Variants in ZNF587B observed in about 807,000 individuals in gnomAD.
The protein encoded by ZNF587B is zinc finger protein 587B.
Under a neutral mutation model 7.2 loss-of-function variants are expected in ZNF587B, and 6 were observed. The ratio of observed to expected loss-of-function variants is 0.83; its 90% CI spans 0.46 to 1.65. The LOEUF (loss-of-function observed/expected upper bound fraction) is 1.65, where lower values mean the gene tolerates loss of function less well. Ranked by LOEUF, ZNF587B falls within the 40% of genes most tolerant of loss-of-function variation. The probability of loss-of-function intolerance (pLI) is 0.01; values close to 1 mark genes in which losing one functional copy is unlikely to be tolerated. For missense variants in ZNF587B, 749 were observed against 761.0 expected (o/e 0.98, Z 0.19); for synonymous variants, 274 against 254.3 (o/e 1.08, Z -0.74).
At chr19:57,838,894 T>C (rs1988734224) in intron 1 of ZNF587B, 129 bp from the exon 2 acceptor site, 1 of 1,357,368 alleles carries the variant, frequency 7.4e-7, no homozygotes. Context: ...CCATGACCAG[T>C]GGGCCTAGTT....
chr19:57,837,579 T>G (rs111698715), intron 1 of ZNF587B, among the ~76,000 whole-genome samples: 13,593 of 151,750 alleles, frequency 0.09, 1,741 homozygotes, highest in African/African-American at 0.29. Flanking sequence ...CTCCCAAGTA[T>G]CTGGGACTAC....
At chr19:57,837,422 AGTTTTTTTTTTGTTTT>A (rs1439923528) in intron 1 of ZNF587B, among the ~76,000 whole-genome samples, 4 of 146,326 alleles carry the variant, frequency 2.7e-5, no homozygotes, top group Non-Finnish European at 6.0e-5. Flanking sequence ...ACGCTCAGCT[AGTTTTTTTTTTGTTTT>A]GTTTTTTTTT....
At position 57,842,573 on chromosome 19, in the gene ZNF587B, A is replaced by G; in HGVS notation, c.1899A>G (p.Leu633=). ...AGAGAGTTCATGAAAGAAAGGCCTT[A>G]TGAGTGCAGAGAATGAGTCCAGTCT... is the stretch of plus-strand genomic sequence containing the variant. ...YHQRVHERKA[L] is the part of the protein sequence containing the mutation. Residue 633 remains leucine, a synonymous_variant, in exon 3 of 3, where the codon TTA becomes TTG. Transcript: ENST00000594901. The G allele has an allele frequency of 6.6e-7, 1 of 1,512,362 alleles. No individual in the cohort carries two copies. Among genetic ancestry groups the G allele is most frequent in the Non-Finnish European group, 8.8e-7 (1 of 1,137,338 alleles). The allele number at this position is 1,512,362 out of a possible 1,614,324, so 93.7% of individuals were successfully genotyped here.
Position 57,841,331 on chromosome 19 carries a change from C to A in ZNF587B, c.657C>A (p.Ser219=), listed in dbSNP as rs768422516. 1 of 1,609,644 alleles carries A rather than the reference C, an allele frequency of 6.2e-7. No individual in the cohort carries two copies. The highest frequency in any genetic ancestry group is 1.1e-5 in the South Asian group (1 of 90,684). The change falls in exon 3 of 3, where the codon TCC becomes TCA. Residue 219 remains serine (S), a synonymous_variant. Transcript: ENST00000594901. Reference sequence around the variant, plus strand: ...GAGCTCACTATAGCCATGGAGATTCCATGAAACATTTTAGCACCAAACATA... The same window carrying A: ...GAGCTCACTATAGCCATGGAGATTCAATGAAACATTTTAGCACCAAACATA... ...CGGAHYSHGD[S]MKHFSTKHIL...
chr19:57,837,850 A>G (rs1337274601), intron 1 of ZNF587B, among the ~76,000 whole-genome samples: 2 of 151,754 alleles, frequency 1.3e-5, no homozygotes, highest in Non-Finnish European at 2.9e-5. Flanking sequence ...CTCCTAAAGC[A>G]CTGGTACTAC....
rs7252310 is a variant in ZNF587B, at chr19:57,845,252, C to G, written c.*2676C>G. On this transcript the variant is annotated 3_prime_UTR_variant, in exon 3 of 3. Coordinates refer to ENST00000594901, the MANE Select transcript of ZNF587B (RefSeq NM_001376223.1). ...ACCTCCGCCTTCCAAAGTGCTGGGA[C>G]TACAGGTGTGGGCCGCTGTGTTTGG... 0.28 allele frequency: 42,255 copies of G among 152,122 alleles called. 6,273 individuals carry two copies. The highest frequency in any genetic ancestry group is 0.45 in the East Asian group (2,308 of 5,158). The allele number at this position is 152,122 out of a possible 1,614,324, so 9.4% of individuals were successfully genotyped here.
chr19:57,841,325 A>C lies in ZNF587B; in HGVS notation c.651A>C (p.Gly217=). The C allele has an allele frequency of 6.2e-7, 1 of 1,610,960 alleles. No individual in the cohort carries two copies. The highest frequency in any genetic ancestry group is 8.5e-7 in the Non-Finnish European group (1 of 1,178,300). ...FQCGGAHYSH[G]DSMKHFSTKH... Reference sequence around the variant, plus strand: ...GTGGGGGAGCTCACTATAGCCATGGAGATTCCATGAAACATTTTAGCACCA... The same window carrying C: ...GTGGGGGAGCTCACTATAGCCATGGCGATTCCATGAAACATTTTAGCACCA... Residue 217 remains glycine, a synonymous_variant, in exon 3 of 3, where the codon GGA becomes GGC. Transcript: ENST00000594901.
chr19:57,844,184 G>T lies in ZNF587B; in HGVS notation c.*1608G>T. 4 of 399,918 alleles carry T rather than the reference G, an allele frequency of 1.0e-5. No homozygotes were observed. The highest frequency in any genetic ancestry group is 2.0e-5 in the Non-Finnish European group (4 of 204,866). 24.8% of individuals were successfully genotyped at this position (399,918 alleles called of 1,614,324 possible). A position where few individuals can be genotyped will look rare whatever the true frequency, so the allele number is the denominator to read the frequency against. ...GACCTTCCCCATTTTTGTCCCAGAG[G>T]ACTCTTGTGCTGACTTGAAAAGATG... On this transcript the variant is annotated 3_prime_UTR_variant, in exon 3 of 3. Transcript: ENST00000594901.
chr19:57,843,560 TTGTTTGG>T lies in ZNF587B; in HGVS notation c.*986_*992del, dbSNP rs1243089493. ...ACGAGAGATTTTTTTTTTAAGTTTT[TTGTTTGG>T]TTGGTTGGTTGGTTGGTTGGTTGTT... On this transcript the variant is annotated 3_prime_UTR_variant, in exon 3 of 3. Coordinates refer to ENST00000594901, the MANE Select transcript of ZNF587B (RefSeq NM_001376223.1). 1.0e-6 allele frequency: 1 copy of T among 961,906 alleles called. No homozygotes were observed. The highest frequency in any genetic ancestry group is 2.0e-5 in the African/African-American group (1 of 49,654). 59.6% of individuals were successfully genotyped at this position (961,906 alleles called of 1,614,324 possible). A position where few individuals can be genotyped will look rare whatever the true frequency, so the allele number is the denominator to read the frequency against.
rs892034857 is a variant in ZNF587B at position 57,830,329 on chromosome 19, C to A, written c.-200C>A. ...GTGTTGGGTTTATTTGTCGGAGAGG[C>A]TCCTGAGCGCTAGGTCGGCACTGCG... On this transcript the variant is annotated 5_prime_UTR_variant, in exon 1 of 3. Transcript: ENST00000594901. The A allele has an allele frequency of 5.3e-5, 29 of 544,352 alleles. No individual in the cohort carries two copies. The highest frequency in any genetic ancestry group is 3.9e-4 in the Middle Eastern group (1 of 2,556). The allele number at this position is 544,352 out of a possible 1,614,324, so 33.7% of individuals were successfully genotyped here. A position where few individuals can be genotyped will look rare whatever the true frequency, so the allele number is the denominator to read the frequency against.
At chr19:57,834,844 T>TA (rs1169760619) in intron 1 of ZNF587B, among the ~76,000 whole-genome samples, 6,515 of 126,662 alleles carry the variant, frequency 0.051, 39 homozygotes, top group African/African-American at 0.17. Context: ...GACTCTCTCT[T>TA]AAAAAAAAAA....
rs1226717383 is a variant in ZNF587B, at chr19:57,841,151, G to A, written c.477G>A (p.Lys159=). 3.1e-6 allele frequency: 5 copies of A among 1,614,212 alleles called. No individual in the cohort carries two copies. Among genetic ancestry groups the A allele is most frequent in the Non-Finnish European group, 4.2e-6 (5 of 1,180,048 alleles). The change falls in exon 3 of 3, where the codon AAG becomes AAA. Residue 159 remains lysine, a synonymous_variant. Transcript: ENST00000594901. ...GTGTTGAGGAGGCGTTGTTTGTGAA[G>A]AGGTGTAAGTTGCATGTGTCAGGGG... The part of the protein sequence containing the change: ...RGSVEEALFV[K]RCKLHVSGES...
Position 57,845,349 on chromosome 19 carries a change from C to G in ZNF587B, c.*2773C>G, listed in dbSNP as rs1232078786. ...TGTGTCTGTGATGGATAAGCAGATACAGAAATTCTCAAGACTTCCATAATA... is the reference window on the plus strand; with the variant it reads ...TGTGTCTGTGATGGATAAGCAGATAGAGAAATTCTCAAGACTTCCATAATA... On this transcript the variant is annotated 3_prime_UTR_variant, in exon 3 of 3. Transcript: ENST00000594901. 6.6e-6 allele frequency: 1 copy of G among 152,160 alleles called. No homozygotes were observed. The highest frequency in any genetic ancestry group is 1.5e-5 in the Non-Finnish European group (1 of 68,036). The allele number at this position is 152,160 out of a possible 1,614,324, so 9.4% of individuals were successfully genotyped here. A position where few individuals can be genotyped will look rare whatever the true frequency, so the allele number is the denominator to read the frequency against.
chr19:57,841,500 G>C lies in ZNF587B; in HGVS notation c.826G>C (p.Glu276Gln). The C allele has an allele frequency of 6.3e-7, 1 of 1,586,104 alleles. No homozygotes were observed. The highest frequency in any genetic ancestry group is 1.8e-5 in the Admixed American group (1 of 55,244). The part of the protein sequence containing the change: ...GKRPYECGEC[E>Q]KSFSQKSSLI... ...AAGACCTTATGAATGTGGAGAATGT[G>C]AGAAATCTTTTAGTCAAAAGAGCAG... The change falls in exon 3 of 3, where the codon GAG becomes CAG. Residue 276 changes from glutamate (E) to glutamine (Q), a missense_variant. Glu to Gln is a conservative substitution (Grantham distance 29). Transcript: ENST00000594901.
intron 1 of ZNF587B, among the ~76,000 whole-genome samples, chr19:57,830,852 C>G (rs569363470): frequency 6.5e-4 from 99 of 152,026 alleles, no homozygotes; most frequent in African/African-American, 2.3e-3. Context: ...GGGTAACGCT[C>G]AAAGTTCTCG....
At position 57,836,158 on chromosome 19, in the gene ZNF587B, A is replaced by AG. The variant is rs1988593073; in HGVS notation, c.37-2862dup. On this transcript the variant is annotated intron_variant, in intron 1 of 2. Coordinates refer to ENST00000594901, the MANE Select transcript of ZNF587B (RefSeq NM_001376223.1). ...GCAGGCAGAAGTACAGAAGTAATTG[A>AG]GGGAAAGGTCATCATTGCTGAGGGG... 2.0e-5 allele frequency among the ~76,000 whole-genome samples: 3 copies of AG among 151,828 alleles called. No individual in the cohort carries two copies. In the South Asian group the frequency reaches 6.2e-4, roughly 31 times the overall value.
chr19:57,833,928 C>T (rs1247585309), intron 1 of ZNF587B, among the ~76,000 whole-genome samples: 2,300 of 122,828 alleles, frequency 0.019, no homozygotes, highest in African/African-American at 0.066. Context: ...TTGCTGTTCC[C>T]TCTCCTCTCC....
chr19:57,831,177 G>T (rs1295887330), intron 1 of ZNF587B, among the ~76,000 whole-genome samples: 2 of 152,144 alleles, frequency 1.3e-5, no homozygotes, highest in African/African-American at 4.8e-5. Flanking sequence ...TGAGGAAGGG[G>T]CTGCCAGTGA....
In ZNF587B at chr19:57,841,260, A is replaced by T; in HGVS notation, c.586A>T (p.Lys196Ter). Residue 196 changes from lysine (K) to a stop codon, truncating the protein, a stop_gained, in exon 3 of 3, where the codon AAG (lysine) becomes TAG (stop). Transcript: ENST00000594901. LOFTEE classifies it low-confidence loss of function (END_TRUNC). ...GCAGGAGGCCAGTCACACTGGGGAG[A>T]AGTCAAACAGCAAAACTGAGTGTGT... ...LQQEASHTGEKSNSKTECVSP... is the reference protein window; with the variant it reads ...LQQEASHTGE 1 of 1,614,120 alleles carries T rather than the reference A, an allele frequency of 6.2e-7. No homozygotes were observed. Among genetic ancestry groups the T allele is most frequent in the East Asian group, 2.2e-5 (1 of 44,882 alleles).
Sources: gnomAD v4.1 joint callset for allele counts (sites outside exome capture counted in the v4.1 genomes callset) on GRCh38, gnomAD v4.1.1 for gene constraint, MANE v1.5 for transcripts, NCBI Gene and HGNC (gene_info 2026-07-23, HGNC 2026-07-21) for gene names.